Variants in GNA13 observed in about 807,000 individuals in gnomAD.
GNA13 encodes guanine nucleotide-binding protein subunit alpha-13.
Under a neutral mutation model 33.5 loss-of-function variants are expected in GNA13, and 4 were observed. The ratio of observed to expected loss-of-function variants is 0.12; its 90% CI spans 0.06 to 0.27. The LOEUF is 0.27. GNA13 is among the 10% of genes least tolerant of loss of function. The probability of loss-of-function intolerance (pLI) is 1.00; values close to 1 mark genes in which losing one functional copy is unlikely to be tolerated. For synonymous variants in GNA13, 176 were observed against 183.8 expected (o/e 0.96, Z 0.34); for missense variants, 319 against 487.2 (o/e 0.65, Z 3.25).
At chr17:65,042,058 T>C (rs1166894765) in intron 2 of GNA13, among the ~76,000 whole-genome samples, 1 of 152,086 alleles carries the variant, frequency 6.6e-6, no homozygotes, top group African/African-American at 2.4e-5. Flanking sequence ...AAAAAGGTAC[T>C]GTGAAAAAAT....
chr17:65,025,903 T>C (rs1216958826), intron 2 of GNA13, among the ~76,000 whole-genome samples: 1 of 151,902 alleles, frequency 6.6e-6, no homozygotes, highest in South Asian at 2.1e-4. Flanking sequence ...GGAGGATCAC[T>C]TGAGCCTAGG....
chr17:65,028,174 T>C (rs527752960), intron 2 of GNA13, among the ~76,000 whole-genome samples: 85 of 152,234 alleles, frequency 5.6e-4, no homozygotes, highest in African/African-American at 1.9e-3. Flanking sequence ...TGCAGTGAGC[T>C]GAGATCGCGT....
intron 2 of GNA13, among the ~76,000 whole-genome samples, chr17:65,025,777 C>G (rs112407917): frequency 2.8e-4 from 40 of 143,270 alleles, no homozygotes; most frequent in Middle Eastern, 3.7e-3. Flanking sequence ...CCCAGGAGTT[C>G]GAGACCCAGC....
chr17:65,038,864 T>C (rs1276943425), intron 2 of GNA13, among the ~76,000 whole-genome samples: 2 of 152,208 alleles, frequency 1.3e-5, no homozygotes, highest in East Asian at 3.8e-4. Flanking sequence ...AATAAAGTGT[T>C]GAATATCTCA....
At chr17:65,032,156 C>G (rs1371652220) in intron 2 of GNA13, among the ~76,000 whole-genome samples, 1 of 151,874 alleles carries the variant, frequency 6.6e-6, no homozygotes, top group Non-Finnish European at 1.5e-5. Flanking sequence ...CAATTAAATG[C>G]CAAACATAAA....
At chr17:65,025,086 T>C (rs1052958829) in intron 2 of GNA13, among the ~76,000 whole-genome samples, 3 of 152,072 alleles carry the variant, frequency 2.0e-5, no homozygotes, top group African/African-American at 7.2e-5. Context: ...TTAGTAGAGA[T>C]GGGGTTTCAC....
At position 65,053,640 on chromosome 17, in the gene GNA13, C is replaced by T. The variant is rs145081453; in HGVS notation, c.372G>A (p.Ser124=). The change falls in exon 2 of 4, where the codon TCG becomes TCA. Residue 124 remains serine, a synonymous_variant. Coordinates refer to ENST00000439174, the MANE Select transcript of GNA13 (RefSeq NM_006572.6). The stretch of plus-strand genomic sequence containing the variant: ...CTGCCATGGGGGCCCGGGTATCAAA[C>T]GACATCATCTTATCTCCATGTTGTT... ...SNQQHGDKMM[S]FDTRAPMAAQ... The T allele has an allele frequency of 7.9e-5, 127 of 1,613,834 alleles. 1 individual carries two copies. The South Asian group carries it at 9.0e-4, about 11-fold the overall frequency.
intron 2 of GNA13, among the ~76,000 whole-genome samples, chr17:65,036,522 A>T (rs1907254317): frequency 1.3e-5 from 2 of 152,226 alleles, no homozygotes; most frequent in Admixed American, 1.3e-4. Flanking sequence ...CCTGGCCAAC[A>T]TGGCAAAACC....
intron 1 of GNA13, 72 bp downstream of exon 1, chr17:65,056,239 G>GCCCGGCCC: frequency 1.6e-5 from 15 of 936,146 alleles, no homozygotes; most frequent in Admixed American, 2.2e-5. Flanking sequence ...CCAGGGCGGT[G>GCCCGGCCC]CCCCGCCCCG....
chr17:65,042,831 A>C (rs1322661955), intron 2 of GNA13, among the ~76,000 whole-genome samples: 1 of 152,208 alleles, frequency 6.6e-6, no homozygotes, highest in Admixed American at 6.5e-5. Context: ...AAACACAAGT[A>C]ATATATTCTA....
chr17:65,021,916 C>A (rs576186856), intron 2 of GNA13, among the ~76,000 whole-genome samples: 2 of 152,310 alleles, frequency 1.3e-5, no homozygotes, highest in South Asian at 4.1e-4. Context: ...ATCCTCAACA[C>A]AGTACCACTG....
At chr17:65,033,807 G>A (rs1020151639) in intron 2 of GNA13, among the ~76,000 whole-genome samples, 7 of 152,036 alleles carry the variant, frequency 4.6e-5, no homozygotes, top group Admixed American at 4.6e-4. Context: ...AAGGTCAGGA[G>A]TTTGAGACCA....
In GNA13 at chr17:65,026,371, T is replaced by C. The variant is rs371726338; in HGVS notation, c.511-8068A>G. Among the ~76,000 whole-genome samples the C allele has an allele frequency of 1.8e-4, 28 of 152,280 alleles. 1 individual carries two copies. The highest frequency in any genetic ancestry group is 6.5e-4 in the African/African-American group (27 of 41,556). ...TTTATCATCTGATCCCCAAAGGGAA[T>C]GATGATCTATAGTTATATCAGGAAG... On this transcript the variant is annotated intron_variant, in intron 2 of 3. Transcript: ENST00000439174.
chr17:65,031,485 T>C (rs1272827852), intron 2 of GNA13, among the ~76,000 whole-genome samples: 5 of 152,182 alleles, frequency 3.3e-5, no homozygotes, highest in Non-Finnish European at 5.9e-5. Context: ...TTGTGCAAGT[T>C]TGGAACATTT....
Position 65,013,216 on chromosome 17 carries a change from C to T in GNA13, c.*1041G>A, listed in dbSNP as rs1422033951. The T allele has an allele frequency of 9.7e-6, 2 of 206,324 alleles. No homozygotes were observed. Among genetic ancestry groups the T allele is most frequent in the Non-Finnish European group, 2.0e-5 (2 of 101,236 alleles). The allele number at this position is 206,324 out of a possible 1,614,324, so 12.8% of individuals were successfully genotyped here. A position where few individuals can be genotyped will look rare whatever the true frequency, so the allele number is the denominator to read the frequency against. Reference sequence around the variant, plus strand: ...GAATAGTCTTGACAGAAAAATACTGCCCTTAGCAAACTCCAAATAAACAAA... The same window carrying T: ...GAATAGTCTTGACAGAAAAATACTGTCCTTAGCAAACTCCAAATAAACAAA... On this transcript the variant is annotated 3_prime_UTR_variant, in exon 4 of 4. Coordinates refer to ENST00000439174, the MANE Select transcript of GNA13 (RefSeq NM_006572.6).
At chr17:65,056,239 G>GCCCGGCCCCCC in intron 1 of GNA13, 72 bp downstream of exon 1, 20 of 936,148 alleles carry the variant, frequency 2.1e-5, no homozygotes, top group East Asian at 6.4e-5. Context: ...CCAGGGCGGT[G>GCCCGGCCCCCC]CCCCGCCCCG....
At position 65,012,354 on chromosome 17, in the gene GNA13, C is replaced by T. The variant is rs550140767; in HGVS notation, c.*1903G>A. ...TCCAAATGTTACTGTGCACATATTC[C>T]GATATTCATTAGCACTGCAATTATG... is the stretch of plus-strand genomic sequence containing the variant. On this transcript the variant is annotated 3_prime_UTR_variant, in exon 4 of 4. Coordinates refer to ENST00000439174, the MANE Select transcript of GNA13 (RefSeq NM_006572.6). 4 of 221,850 alleles carry T rather than the reference C, an allele frequency of 1.8e-5. No individual in the cohort carries two copies. The highest frequency in any genetic ancestry group is 2.7e-5 in the Non-Finnish European group (3 of 111,142). 13.7% of individuals were successfully genotyped at this position (221,850 alleles called of 1,614,324 possible).
intron 2 of GNA13, among the ~76,000 whole-genome samples, chr17:65,030,776 G>A (rs1906973290): frequency 6.6e-6 from 1 of 152,142 alleles, no homozygotes; most frequent in South Asian, 2.1e-4. Context: ...ACTTTGGGAG[G>A]CCAAGATCAG....
chr17:65,056,495 C>G lies in GNA13; in HGVS notation c.99G>C (p.Glu33Asp). 6.2e-7 allele frequency: 1 copy of G among 1,613,742 alleles called. No individual in the cohort carries two copies. Among genetic ancestry groups the G allele is most frequent in the South Asian group, 1.1e-5 (1 of 91,080 alleles). The change falls in exon 1 of 4, where the codon GAG becomes GAC. Residue 33 changes from glutamate (E) to aspartate (D), a missense_variant. This residue lies in a region of GNA13 where 47 missense variants were observed against 64.7 expected (regional missense o/e 0.73). Coordinates refer to ENST00000439174, the MANE Select transcript of GNA13 (RefSeq NM_006572.6). ...TTTCCCGAGACAGGCATTTGTCGAT[C>G]TCCTTGGACTTGCGTTGCTGCTCGG... ...GEAEQQRKSK[E>D]IDKCLSREKT... is the part of the protein sequence containing the mutation.
Sources: allele counts gnomAD v4.1 joint callset (sites outside exome capture counted in the v4.1 genomes callset), GRCh38; gene constraint gnomAD v4.1.1; regional missense constraint gnomAD v4.1.1; transcripts MANE v1.5; gene names NCBI Gene and HGNC (gene_info 2026-07-23, HGNC 2026-07-21).